Variants in TNFRSF10A observed in about 807,000 individuals in gnomAD.
TNFRSF10A encodes tumor necrosis factor receptor superfamily member 10A.
In TNFRSF10A, 44 loss-of-function variants were observed where a neutral mutation model predicts 42.8. The observed-to-expected ratio is 1.03, with a 90% CI of 0.81 to 1.32. The LOEUF is 1.32. TNFRSF10A is among the 40% of genes most tolerant of loss of function. The probability of loss-of-function intolerance (pLI) is 0.00; values close to 1 mark genes in which losing one functional copy is unlikely to be tolerated. For synonymous variants in TNFRSF10A, 259 were observed against 234.2 expected (o/e 1.11, Z -0.97); for missense variants, 680 against 602.0 (o/e 1.13, Z -1.36).
chr8:23,215,474 C>A (rs1470165215), intron 1 of TNFRSF10A, among the ~76,000 whole-genome samples: 1 of 152,004 alleles, frequency 6.6e-6, no homozygotes, highest in Non-Finnish European at 1.5e-5. Flanking sequence ...CACCACTGCA[C>A]CCCGGCCTGC....
intron 1 of TNFRSF10A, among the ~76,000 whole-genome samples, 155 bp from the exon 2 acceptor site, chr8:23,212,367 T>G (rs752659884): frequency 6.6e-6 from 1 of 152,218 alleles, no homozygotes; most frequent in African/African-American, 2.4e-5. Context: ...GTGCTCATCT[T>G]TGTCTCTTTG....
At chr8:23,219,685 GC>G (rs1168110095) in intron 1 of TNFRSF10A, among the ~76,000 whole-genome samples, 1 of 152,202 alleles carries the variant, frequency 6.6e-6, no homozygotes, top group Non-Finnish European at 1.5e-5. Context: ...ACAGGAAGAG[GC>G]AGCGGCAGAG....
intron 9 of TNFRSF10A, among the ~76,000 whole-genome samples, chr8:23,194,276 T>C (rs1331751010): frequency 2.0e-5 from 3 of 152,338 alleles, no homozygotes; most frequent in East Asian, 1.9e-4. Context: ...AATTGACTTA[T>C]AAGTAAAAGA....
chr8:23,215,112 G>A (rs1294065566), intron 1 of TNFRSF10A, among the ~76,000 whole-genome samples: 1 of 152,216 alleles, frequency 6.6e-6, no homozygotes, highest in Admixed American at 6.5e-5. Context: ...GGTGATGTGC[G>A]TTCTGTGGGT....
At chr8:23,196,521 A>G (rs1800826119) in intron 9 of TNFRSF10A, among the ~76,000 whole-genome samples, 2 of 152,144 alleles carry the variant, frequency 1.3e-5, no homozygotes, top group Non-Finnish European at 1.5e-5. Flanking sequence ...TATCCCTACT[A>G]TATAAACCCC....
At chr8:23,223,730 G>T (rs1042986017) in intron 1 of TNFRSF10A, among the ~76,000 whole-genome samples, 10 of 152,206 alleles carry the variant, frequency 6.6e-5, no homozygotes, top group Admixed American at 1.3e-4. Context: ...AAGGAATCTG[G>T]ATGAGAACAA....
intron 9 of TNFRSF10A, among the ~76,000 whole-genome samples, chr8:23,192,294 C>A (rs965282917): frequency 6.6e-6 from 1 of 152,176 alleles, no homozygotes; most frequent in Non-Finnish European, 1.5e-5. Flanking sequence ...ATTGACCCTA[C>A]GGAGGCAGAA....
intron 2 of TNFRSF10A, among the ~76,000 whole-genome samples, chr8:23,206,680 G>T (rs1349334812): frequency 1.3e-5 from 2 of 152,010 alleles, no homozygotes; most frequent in African/African-American, 4.8e-5. Flanking sequence ...ATTAGAATCA[G>T]AAATGAGAGA....
chr8:23,200,373 G>T, intron 6 of TNFRSF10A, 132 bp downstream of exon 6: 1 of 976,348 alleles, frequency 1.0e-6, no homozygotes, highest in Non-Finnish European at 1.6e-6. Context: ...GATGGGGGGT[G>T]ATCACAAGGA....
chr8:23,201,579 G>A (rs995427386), intron 4 of TNFRSF10A, among the ~76,000 whole-genome samples: 1 of 152,098 alleles, frequency 6.6e-6, no homozygotes, highest in African/African-American at 2.4e-5. Context: ...TGCTGGGGAG[G>A]GGTGAGAAGG....
Position 23,199,390 on chromosome 8 carries a change from T to C in TNFRSF10A, c.890A>G (p.Asn297Ser), listed in dbSNP as rs778944773. 9.3e-6 allele frequency: 15 copies of C among 1,614,030 alleles called. No individual in the cohort carries two copies. In the African/African-American group the frequency reaches 1.6e-4, roughly 17 times the overall value. The change falls in exon 8 of 10, where the codon AAC (asparagine) becomes AGC (serine). Residue 297 changes from asparagine (N) to serine (S), a missense_variant. Transcript: ENST00000221132. ...CGAGTCTGCGTTGCTCAGAATCTCGTTGTGAGCATTGTCCTCAGCCCCAGG... is the reference window on the plus strand; with the variant it reads ...CGAGTCTGCGTTGCTCAGAATCTCGCTGTGAGCATTGTCCTCAGCCCCAGG... ...RGPGAEDNAHNEILSNADSLS... is the reference protein window; with the variant it reads ...RGPGAEDNAHSEILSNADSLS...
At chr8:23,219,572 A>T (rs1034418074) in intron 1 of TNFRSF10A, among the ~76,000 whole-genome samples, 12 of 152,232 alleles carry the variant, frequency 7.9e-5, no homozygotes, top group Non-Finnish European at 1.5e-5. Context: ...AAGTGCTGAA[A>T]CCACACTGTT....
intron 1 of TNFRSF10A, among the ~76,000 whole-genome samples, chr8:23,218,764 T>C (rs4295671): frequency 0.53 from 81,198 of 152,062 alleles, 22,539 homozygotes; most frequent in East Asian, 0.98. Context: ...CCCCGAGGGT[T>C]GCTCATCCTC....
At chr8:23,214,786 T>A (rs1032883666) in intron 1 of TNFRSF10A, among the ~76,000 whole-genome samples, 2 of 152,180 alleles carry the variant, frequency 1.3e-5, no homozygotes, top group African/African-American at 2.4e-5. Context: ...GTAAATTTTT[T>A]AAAAAGCAGG....
intron 2 of TNFRSF10A, among the ~76,000 whole-genome samples, chr8:23,205,457 T>A (rs1563381236): frequency 6.6e-6 from 1 of 152,218 alleles, no homozygotes; most frequent in Non-Finnish European, 1.5e-5. Flanking sequence ...AATGACTTAC[T>A]GATTTATGTA....
chr8:23,221,155 T>G lies in TNFRSF10A; in HGVS notation c.306+3601A>C, dbSNP rs146883708. Among the ~76,000 whole-genome samples, 268 of 152,280 alleles carry G rather than the reference T, an allele frequency of 1.8e-3. 2 individuals carry two copies. Among genetic ancestry groups the G allele is most frequent in the African/African-American group, 6.3e-3 (261 of 41,564 alleles). On this transcript the variant is annotated intron_variant, in intron 1 of 9. Coordinates refer to ENST00000221132, the MANE Select transcript of TNFRSF10A (RefSeq NM_003844.4). Reference sequence around the variant, plus strand: ...CAGCCTCTGCTGGGTAGAGGACAGGTGCTCTGGGGATCCAGAGTCCTGAGT... The same window carrying G: ...CAGCCTCTGCTGGGTAGAGGACAGGGGCTCTGGGGATCCAGAGTCCTGAGT...
At chr8:23,201,326 C>T (rs1361406180) in intron 4 of TNFRSF10A, among the ~76,000 whole-genome samples, 1 of 152,100 alleles carries the variant, frequency 6.6e-6, no homozygotes, top group African/African-American at 2.4e-5. Context: ...GAAGGAGCTC[C>T]ACCCATGGCC....
At chr8:23,201,726 C>T (rs989040275) in intron 4 of TNFRSF10A, 82 bp downstream of exon 4, 2 of 1,282,270 alleles carry the variant, frequency 1.6e-6, no homozygotes, top group Non-Finnish European at 2.2e-6. Context: ...GATACGGGTA[C>T]AAGGAGACTC....
chr8:23,199,841 T>C lies in TNFRSF10A; in HGVS notation c.831+45A>G, dbSNP rs1191789817. The C allele has an allele frequency of 1.9e-6, 3 of 1,613,954 alleles. No individual in the cohort carries two copies. The African/African-American group carries it at 4.0e-5, about 22-fold the overall frequency. The stretch of plus-strand genomic sequence containing the variant: ...GGACTACACTGTGGGCAAGAAGCAG[T>C]TCCTGAGCCCCTGATGCCCCCAGCT... On this transcript the variant is annotated intron_variant, in intron 7 of 9. Coordinates refer to ENST00000221132, the MANE Select transcript of TNFRSF10A (RefSeq NM_003844.4).
Sources: allele counts gnomAD v4.1 joint callset (sites outside exome capture counted in the v4.1 genomes callset), GRCh38; gene constraint gnomAD v4.1.1; transcripts MANE v1.5; gene names NCBI Gene and HGNC (gene_info 2026-07-23, HGNC 2026-07-21).